The following MTR variants were observed in gnomAD, a reference collection of about 807,000 sequenced individuals.
The protein encoded by MTR is methionine synthase.
Under a neutral mutation model 154.8 loss-of-function variants are expected in MTR, and 84 were observed. The ratio of observed to expected loss-of-function variants is 0.54; its 90% confidence interval spans 0.45 to 0.65. The LOEUF (loss-of-function observed/expected upper bound fraction) is 0.65, where lower values mean the gene tolerates loss of function less well. Among genes scored for constraint, MTR ranks in the 30% least tolerant of loss-of-function variants. The pLI, the probability that MTR is intolerant of heterozygous loss-of-function variation, is 0.00. For synonymous variants in MTR, 554 were observed against 553.9 expected, an observed-to-expected ratio of 1.00 and a Z score of 0.00; for missense variants, 1,275 against 1,570.2, an observed-to-expected ratio of 0.81 and a Z score of 3.18.
At chr1:236,887,151 A>G (rs113717906) in intron 27 of MTR, among the ~76,000 whole-genome samples, 19 of 152,244 alleles carry the variant, frequency 1.2e-4, no homozygotes, top group Non-Finnish European at 1.5e-5. Context: ...TTCCAAGGTA[A>G]TGTATCAAAT....
intron 15 of MTR, 123 bp from the exon 16 acceptor site, chr1:236,850,221 A>T: frequency 1.7e-6 from 1 of 585,774 alleles, no homozygotes; most frequent in Non-Finnish European, 2.4e-6. Context: ...AATGTGCTCT[A>T]ATGTATAACA....
chr1:236,856,338 CT>C (rs1037382865), intron 18 of MTR, among the ~76,000 whole-genome samples: 2 of 150,988 alleles, frequency 1.3e-5, no homozygotes, highest in Non-Finnish European at 3.0e-5. Flanking sequence ...GGGACTTTTT[CT>C]TTTTTTTTAC....
At chr1:236,820,822 G>A (rs1321516455) in intron 8 of MTR, among the ~76,000 whole-genome samples, 1 of 152,158 alleles carries the variant, frequency 6.6e-6, no homozygotes, top group Non-Finnish European at 1.5e-5. Context: ...TTGTTTGGTG[G>A]TGTCAGTTTC....
At position 236,860,010 on chromosome 1, in the gene MTR, G is replaced by A. The variant is rs564646682; in HGVS notation, c.2043+88G>A. On this transcript the variant is annotated intron_variant, in intron 19 of 32. Coordinates refer to ENST00000366577, the MANE Select transcript of MTR (RefSeq NM_000254.3). ...GGGCGGTGTGACAGTAGCTGGAGAA[G>A]GAGATGCCTAGACCACTGATTCTCA... is the stretch of plus-strand genomic sequence containing the variant. 69 of 1,137,124 alleles carry A rather than the reference G, an allele frequency of 6.1e-5. No individual in the cohort carries two copies. The African/African-American group carries it at 1.0e-3, about 17-fold the overall frequency. The allele number at this position is 1,137,124 out of a possible 1,614,324, so 70.4% of individuals were successfully genotyped here. A position where few individuals can be genotyped will look rare whatever the true frequency, so the allele number is the denominator to read the frequency against.
At chr1:236,841,712 G>A (rs1176437272) in intron 15 of MTR, among the ~76,000 whole-genome samples, 1 of 151,104 alleles carries the variant, frequency 6.6e-6, no homozygotes, top group Non-Finnish European at 1.5e-5. Flanking sequence ...AAGAAAACAT[G>A]GCAGTAAATA....
intron 1 of MTR, among the ~76,000 whole-genome samples, chr1:236,801,227 G>A (rs1291110711): frequency 6.6e-6 from 1 of 152,150 alleles, no homozygotes; most frequent in East Asian, 1.9e-4. Flanking sequence ...GATCATTGGA[G>A]CTTAACTTCG....
In MTR at chr1:236,903,591, TGA is replaced by T. The variant is rs2147985262; in HGVS notation, c.*5951_*5952del. ...TGGATTAAATGGTTTTTGAGAACCT[TGA>T]GAGTGTATATTCTATGAAATGGAAG... On this transcript the variant is annotated 3_prime_UTR_variant, in exon 33 of 33. Transcript: ENST00000366577. 6.6e-6 allele frequency: 1 copy of T among 152,324 alleles called. No individual in the cohort carries two copies. Among genetic ancestry groups the T allele is most frequent in the Non-Finnish European group, 1.5e-5 (1 of 68,028 alleles). 9.4% of individuals were successfully genotyped at this position (152,324 alleles called of 1,614,324 possible). A position where few individuals can be genotyped will look rare whatever the true frequency, so the allele number is the denominator to read the frequency against.
chr1:236,800,260 C>T (rs773158447), intron 1 of MTR: 29 of 985,264 alleles, frequency 2.9e-5, no homozygotes, highest in Non-Finnish European at 3.4e-5. Flanking sequence ...AAAGGACATA[C>T]TTCACTGTCT....
At chr1:236,842,171 G>A (rs538750237) in intron 15 of MTR, among the ~76,000 whole-genome samples, 3 of 152,308 alleles carry the variant, frequency 2.0e-5, no homozygotes, top group South Asian at 2.1e-4. Context: ...GATTACAGGC[G>A]TGAGCCACCG....
At position 236,874,707 on chromosome 1, in the gene MTR, TTA is replaced by T. The variant is rs1491459998; in HGVS notation, c.2474-18_2474-17del. The T allele has an allele frequency of 0.019, 21,542 of 1,158,408 alleles. 6 individuals carry two copies. Among genetic ancestry groups the T allele is most frequent in the South Asian group, 0.046 (2,632 of 56,768 alleles). The allele number at this position is 1,158,408 out of a possible 1,614,324, so 71.8% of individuals were successfully genotyped here. A position where few individuals can be genotyped will look rare whatever the true frequency, so the allele number is the denominator to read the frequency against. On this transcript the variant is annotated splice_polypyrimidine_tract_variant and intron_variant, in intron 23 of 32. Transcript: ENST00000366577. ...CACTGTCCTTTTTGTCCTTTTTTTTTTAAAAAAAAAAAAAATAGATATAATTG... is the reference window on the plus strand; with the variant it reads ...CACTGTCCTTTTTGTCCTTTTTTTTTAAAAAAAAAAAAATAGATATAATTG...
intron 14 of MTR, 120 bp downstream of exon 14, chr1:236,835,807 C>G (rs1384504253): frequency 4.0e-5 from 54 of 1,333,548 alleles, no homozygotes; most frequent in Non-Finnish European, 5.3e-5. Flanking sequence ...TTCTCAACAT[C>G]GAAAACAGGG....
At chr1:236,858,539 A>AT (rs1019268265) in intron 18 of MTR, among the ~76,000 whole-genome samples, 2 of 152,112 alleles carry the variant, frequency 1.3e-5, no homozygotes, top group African/African-American at 4.8e-5. Flanking sequence ...TTACACAGAG[A>AT]TTTTTTTCAC....
intron 17 of MTR, 138 bp downstream of exon 17, chr1:236,852,775 A>G: frequency 2.8e-6 from 3 of 1,069,884 alleles, no homozygotes; most frequent in Non-Finnish European, 4.3e-6. Context: ...AGCCACACCT[A>G]TTCATTTGTA....
chr1:236,825,251 TTATA>T (rs1662222439), intron 9 of MTR, 83 bp from the exon 10 acceptor site: 3 of 897,148 alleles, frequency 3.3e-6, no homozygotes, highest in Non-Finnish European at 5.3e-6. Flanking sequence ...AAATATAAAA[TTATA>T]TAGTTATTAA....
At chr1:236,835,191 G>A (rs1416993824) in intron 13 of MTR, among the ~76,000 whole-genome samples, 1 of 151,982 alleles carries the variant, frequency 6.6e-6, no homozygotes, top group Non-Finnish European at 1.5e-5. Context: ...GCACAGAGGT[G>A]GGAACAGATT....
chr1:236,867,821 C>G (rs1271700390), intron 22 of MTR, among the ~76,000 whole-genome samples: 1 of 152,106 alleles, frequency 6.6e-6, no homozygotes, highest in East Asian at 1.9e-4. Context: ...AAAAGTGGAG[C>G]CTGAAGATGG....
At chr1:236,860,186 A>T (rs1437860926) in intron 19 of MTR, among the ~76,000 whole-genome samples, 1 of 149,848 alleles carries the variant, frequency 6.7e-6, no homozygotes, top group African/African-American at 2.5e-5. Context: ...GGTGCTGCTA[A>T]ACATCCTGCA....
intron 17 of MTR, 41 bp downstream of exon 17, chr1:236,852,678 T>C: frequency 6.4e-7 from 1 of 1,555,908 alleles, no homozygotes; most frequent in Non-Finnish European, 8.9e-7. Context: ...AACCAGTTTT[T>C]AGTTGGGGCA....
chr1:236,894,593 A>G (rs747394607), intron 30 of MTR, 36 bp downstream of exon 30: 1 of 1,611,674 alleles, frequency 6.2e-7, no homozygotes, highest in Non-Finnish European at 8.5e-7. Context: ...GGCTGAGGAC[A>G]GAGGCCAGGC....
Sources: allele counts gnomAD v4.1 joint callset (sites outside exome capture counted in the v4.1 genomes callset), GRCh38; gene constraint gnomAD v4.1.1; transcripts MANE v1.5; gene names NCBI Gene and HGNC (gene_info 2026-07-23, HGNC 2026-07-21).